Variants in AIG1 observed in about 807,000 individuals in gnomAD.
The protein encoded by AIG1 is androgen induced 1.
A neutral mutation model predicts 31.4 loss-of-function variants in AIG1; 23 were observed. The observed-to-expected ratio is 0.73, with a 90% CI of 0.53 to 1.04. The LOEUF (loss-of-function observed/expected upper bound fraction) is 1.04, where lower values mean the gene tolerates loss of function less well. Ranked by LOEUF, AIG1 falls within the 50% of genes least tolerant of loss-of-function variation. The probability of loss-of-function intolerance (pLI) is 0.00; values close to 1 mark genes in which losing one functional copy is unlikely to be tolerated. For synonymous variants in AIG1, 100 were observed against 110.5 expected, an observed-to-expected ratio of 0.90 and a Z score of 0.60; for missense variants, 274 against 295.0, an observed-to-expected ratio of 0.93 and a Z score of 0.52.
intron 1 of AIG1, among the ~76,000 whole-genome samples, chr6:143,115,632 C>T (rs7775541): frequency 0.12 from 18,678 of 152,142 alleles, 3,369 homozygotes; most frequent in African/African-American, 0.4. Flanking sequence ...ATTTGCAAAA[C>T]GGTGATATCA....
chr6:143,291,487 G>T lies in AIG1; in HGVS notation c.515+7262G>T, dbSNP rs940538335. On this transcript the variant is annotated intron_variant, in intron 4 of 5. Coordinates refer to ENST00000357847, the MANE Select transcript of AIG1 (RefSeq NM_016108.4). The surrounding 1 kb of genome is among the most constrained non-coding windows in gnomAD (Gnocchi z 4.2). Reference sequence around the variant, plus strand: ...CTCACACTTATGCACCCGACGCAGAGGTGAGCACCTGGACTTCAGCCTCAC... The same window carrying T: ...CTCACACTTATGCACCCGACGCAGATGTGAGCACCTGGACTTCAGCCTCAC... Among the ~76,000 whole-genome samples the T allele has an allele frequency of 6.6e-6, 1 of 152,220 alleles. No homozygotes were observed. The highest frequency in any genetic ancestry group is 1.5e-5 in the Non-Finnish European group (1 of 68,046).
At chr6:143,213,437 A>G (rs972682114) in intron 3 of AIG1, among the ~76,000 whole-genome samples, 11 of 151,242 alleles carry the variant, frequency 7.3e-5, no homozygotes, top group Non-Finnish European at 1.5e-5. Context: ...GCAGCATCTA[A>G]CTCAAACATG....
At chr6:143,273,380 T>A (rs1259145954) in intron 3 of AIG1, among the ~76,000 whole-genome samples, 1 of 152,234 alleles carries the variant, frequency 6.6e-6, no homozygotes, top group East Asian at 1.9e-4. Context: ...CTTGTCACTT[T>A]TCCGTGCTCT....
intron 1 of AIG1, among the ~76,000 whole-genome samples, chr6:143,105,161 G>C (rs937463176): frequency 2.6e-5 from 4 of 152,140 alleles, no homozygotes; most frequent in African/African-American, 9.7e-5. Context: ...GTGTGGTCAA[G>C]CCAGGGTAAG....
intron 3 of AIG1, among the ~76,000 whole-genome samples, chr6:143,223,070 T>C (rs1165217667): frequency 1.3e-5 from 2 of 152,326 alleles, no homozygotes; most frequent in Middle Eastern, 3.4e-3. Flanking sequence ...CAGAGTGCCA[T>C]GAGAAACAGC....
intron 3 of AIG1, among the ~76,000 whole-genome samples, chr6:143,264,440 A>G (rs1404285287): frequency 6.6e-6 from 1 of 152,224 alleles, no homozygotes; most frequent in Non-Finnish European, 1.5e-5. Flanking sequence ...CCCCACTGTG[A>G]AAAACTGATT....
At chr6:143,216,616 G>A (rs1792050015) in intron 3 of AIG1, among the ~76,000 whole-genome samples, 1 of 152,178 alleles carries the variant, frequency 6.6e-6, no homozygotes, top group Admixed American at 6.5e-5. Context: ...GGCTTTTCTG[G>A]TTTAACTTAT....
intron 2 of AIG1, among the ~76,000 whole-genome samples, chr6:143,155,273 CAGT>C (rs2128552309): frequency 6.6e-6 from 1 of 152,240 alleles, no homozygotes; most frequent in South Asian, 2.1e-4. Flanking sequence ...ATTACACAGT[CAGT>C]TATTTCATGG....
intron 3 of AIG1, among the ~76,000 whole-genome samples, chr6:143,192,517 A>G (rs1380244308): frequency 6.6e-6 from 1 of 151,952 alleles, no homozygotes; most frequent in Non-Finnish European, 1.5e-5. Flanking sequence ...ATGCAGGGGA[A>G]TCGCTTAAAC....
chr6:143,123,834 A>G (rs2128504078), intron 1 of AIG1, among the ~76,000 whole-genome samples: 1 of 152,340 alleles, frequency 6.6e-6, no homozygotes, highest in Non-Finnish European at 1.5e-5. Flanking sequence ...TTTATCTAAC[A>G]TAAGCATCAC....
chr6:143,145,545 G>A (rs1055423526), intron 2 of AIG1, among the ~76,000 whole-genome samples: 1 of 152,156 alleles, frequency 6.6e-6, no homozygotes, highest in East Asian at 1.9e-4. Context: ...ATTCCCAGAA[G>A]CTCCACCTGC....
In AIG1 at chr6:143,333,500, A is replaced by C; in HGVS notation, c.679+55A>C. ...AGAGAATTACTGCCGGCAACAGTCT[A>C]TGCAGAGACTGAGGGAAAATTCCAC... On this transcript the variant is annotated intron_variant, in intron 5 of 5. Transcript: ENST00000357847. The surrounding 1 kb of genome is among the most constrained non-coding windows in gnomAD (Gnocchi z 4.6). 1 of 1,549,762 alleles carries C rather than the reference A, an allele frequency of 6.5e-7. No homozygotes were observed. Among genetic ancestry groups the C allele is most frequent in the Non-Finnish European group, 8.8e-7 (1 of 1,142,092 alleles).
intron 1 of AIG1, among the ~76,000 whole-genome samples, chr6:143,134,217 G>T (rs1783520283): frequency 6.6e-6 from 1 of 151,962 alleles, no homozygotes; most frequent in Non-Finnish European, 1.5e-5. Context: ...TACAGTTGAA[G>T]CCCTGTGCAG....
intron 1 of AIG1, among the ~76,000 whole-genome samples, chr6:143,133,925 C>CTA (rs1783495164): frequency 6.6e-6 from 1 of 151,976 alleles, no homozygotes; most frequent in South Asian, 2.1e-4. Context: ...CTTCCTCTGC[C>CTA]TATAAACAAA....
intron 3 of AIG1, among the ~76,000 whole-genome samples, chr6:143,243,750 A>G (rs1794421128): frequency 6.6e-6 from 1 of 152,234 alleles, no homozygotes; most frequent in South Asian, 2.1e-4. Context: ...ATGGTTCAGA[A>G]GTATTGCCCT....
intron 3 of AIG1, among the ~76,000 whole-genome samples, chr6:143,214,329 C>T (rs1791834910): frequency 6.6e-6 from 1 of 152,232 alleles, no homozygotes; most frequent in Non-Finnish European, 1.5e-5. Context: ...GTCATTCACT[C>T]ACTGTGACAT....
At chr6:143,339,560 A>G in intron 5 of AIG1, 79 bp from the exon 6 acceptor site, 5 of 1,429,214 alleles carry the variant, frequency 3.5e-6, no homozygotes, top group Non-Finnish European at 4.9e-6. Flanking sequence ...ATGTGTGAGT[A>G]GTGTTAGCAA....
At chr6:143,241,472 A>G (rs529720981) in intron 3 of AIG1, among the ~76,000 whole-genome samples, 2 of 152,352 alleles carry the variant, frequency 1.3e-5, no homozygotes, top group South Asian at 4.1e-4. Flanking sequence ...AGAGACAGAA[A>G]GAAAGTAGCT....
At chr6:143,111,321 C>T (rs1781259217) in intron 1 of AIG1, among the ~76,000 whole-genome samples, 1 of 152,230 alleles carries the variant, frequency 6.6e-6, no homozygotes, top group Non-Finnish European at 1.5e-5. Context: ...TTGCCAGATT[C>T]AGTAAAGAAG....
Sources: allele counts gnomAD v4.1 joint callset (sites outside exome capture counted in the v4.1 genomes callset), GRCh38; gene constraint gnomAD v4.1.1; non-coding constraint Gnocchi (gnomAD v3.1); transcripts MANE v1.5; gene names NCBI Gene and HGNC (gene_info 2026-07-23, HGNC 2026-07-21).